Variants in CTCF observed in about 807,000 individuals in gnomAD.
CTCF encodes the protein CCCTC-binding factor.
In CTCF, 7 loss-of-function variants were observed where a neutral mutation model predicts 72.3. The ratio of observed to expected loss-of-function variants is 0.10; its 90% confidence interval spans 0.06 to 0.18. The LOEUF is 0.18. Ranked by LOEUF, CTCF falls within the 10% of genes least tolerant of loss-of-function variation. CTCF has a pLI of 1.00. For missense variants in CTCF, 516 were observed against 949.1 expected, an observed-to-expected ratio of 0.54 and a Z score of 6.00; for synonymous variants, 374 against 315.8, an observed-to-expected ratio of 1.18 and a Z score of -1.95.
intron 4 of CTCF, among the ~76,000 whole-genome samples, chr16:67,612,702 G>A (rs2052077371): frequency 6.6e-6 from 1 of 152,096 alleles, no homozygotes; most frequent in Admixed American, 6.5e-5. Context: ...GGAGGCTGAG[G>A]TGGGCAGATC....
At chr16:67,565,596 C>T (rs1458120170) in intron 1 of CTCF, among the ~76,000 whole-genome samples, 1 of 150,226 alleles carries the variant, frequency 6.7e-6, no homozygotes, top group South Asian at 2.1e-4. Flanking sequence ...CCGCTCGAAC[C>T]TAGAAGGTGG....
chr16:67,582,917 G>A (rs189287677), intron 2 of CTCF, among the ~76,000 whole-genome samples: 1 of 151,100 alleles, frequency 6.6e-6, no homozygotes, highest in East Asian at 1.9e-4. Flanking sequence ...GTATATAGCT[G>A]TAAATACTCT....
chr16:67,608,618 A>G (rs554872768), intron 2 of CTCF, among the ~76,000 whole-genome samples: 2 of 152,360 alleles, frequency 1.3e-5, no homozygotes, highest in East Asian at 3.9e-4. Context: ...GCTACACAAC[A>G]TAGTTCCTGT....
chr16:67,566,968 C>G (rs1422834981), intron 1 of CTCF, among the ~76,000 whole-genome samples: 1 of 152,008 alleles, frequency 6.6e-6, no homozygotes, highest in Non-Finnish European at 1.5e-5. Flanking sequence ...CTCCACCTCC[C>G]TGGCTCAAAT....
intron 10 of CTCF, among the ~76,000 whole-genome samples, chr16:67,630,951 A>C (rs2052354150): frequency 6.6e-6 from 1 of 152,100 alleles, no homozygotes; most frequent in African/African-American, 2.4e-5. Context: ...AAGGTGGTAG[A>C]GAGTTTGGTT....
At chr16:67,619,292 C>T (rs1181426282) in intron 5 of CTCF, among the ~76,000 whole-genome samples, 1 of 152,028 alleles carries the variant, frequency 6.6e-6, no homozygotes, top group African/African-American at 2.4e-5. Flanking sequence ...AGAAGTTAGC[C>T]AGGCCTGGTG....
rs2051520416 is a variant in CTCF, at chr16:67,577,829, A to G, written c.-10+6565A>G. ...CCAGGAGGAGAGTAAGGCAGGAGGA[A>G]GCTCCTGCATCTGCCCAGCTGTTAG... is the stretch of plus-strand genomic sequence containing the variant. On this transcript the variant is annotated intron_variant, in intron 2 of 11. Transcript: ENST00000264010. Among the ~76,000 whole-genome samples, 2 of 152,246 alleles carry G rather than the reference A, an allele frequency of 1.3e-5. 1 individual carries two copies. The highest frequency in any genetic ancestry group is 4.1e-4 in the South Asian group (2 of 4,824).
rs994119922 is a variant in CTCF at position 67,628,316 on chromosome 16, G to C, written c.1519-54G>C. ...GGCCACATGCATGCAGGTGGCAGCT[G>C]GGGCAGTAGCCCCATGAGCAGGCTC... On this transcript the variant is annotated intron_variant, in intron 8 of 11. Transcript: ENST00000264010. 84 of 1,555,624 alleles carry C rather than the reference G, an allele frequency of 5.4e-5. 5 individuals carry two copies. The South Asian group carries it at 7.8e-4, about 14-fold the overall frequency.
At chr16:67,603,974 C>CA (rs921068208) in intron 2 of CTCF, among the ~76,000 whole-genome samples, 4 of 149,814 alleles carry the variant, frequency 2.7e-5, no homozygotes, top group Admixed American at 6.7e-5. Flanking sequence ...ACTAAAAATA[C>CA]AAAAAAATTA....
chr16:67,582,710 A>T (rs1005181458), intron 2 of CTCF, among the ~76,000 whole-genome samples: 1 of 152,076 alleles, frequency 6.6e-6, no homozygotes, highest in Non-Finnish European at 1.5e-5. Context: ...TAAATTAAAT[A>T]AAATATGAAC....
chr16:67,590,560 A>G (rs928943647), intron 2 of CTCF, among the ~76,000 whole-genome samples: 1 of 151,836 alleles, frequency 6.6e-6, no homozygotes, highest in Non-Finnish European at 1.5e-5. Context: ...GATGGTCTCG[A>G]TCTCCTGACC....
intron 2 of CTCF, among the ~76,000 whole-genome samples, chr16:67,598,139 C>CT (rs2142782586): frequency 6.6e-6 from 1 of 152,114 alleles, no homozygotes; most frequent in African/African-American, 2.4e-5. Flanking sequence ...TCACACCTGA[C>CT]TAATTTTTTA....
intron 10 of CTCF, among the ~76,000 whole-genome samples, chr16:67,635,082 C>T (rs1381561512): frequency 3.3e-5 from 5 of 151,764 alleles, no homozygotes; most frequent in Admixed American, 6.6e-5. Flanking sequence ...AGTGCAGTGG[C>T]GCAATCTTGG....
At chr16:67,612,725 A>G (rs1169540125) in intron 4 of CTCF, among the ~76,000 whole-genome samples, 1 of 152,020 alleles carries the variant, frequency 6.6e-6, no homozygotes, top group African/African-American at 2.4e-5. Context: ...TTGAGATTAG[A>G]AGTTGGAGAC....
intron 2 of CTCF, among the ~76,000 whole-genome samples, chr16:67,599,895 A>G (rs1480197189): frequency 6.6e-6 from 1 of 152,180 alleles, no homozygotes; most frequent in Non-Finnish European, 1.5e-5. Flanking sequence ...TGAAACTGGG[A>G]TTGCAGATAT....
At chr16:67,608,188 G>T (rs545177573) in intron 2 of CTCF, among the ~76,000 whole-genome samples, 2 of 152,024 alleles carry the variant, frequency 1.3e-5, no homozygotes, top group South Asian at 4.2e-4. Flanking sequence ...GCCGGGCATG[G>T]TGGTGGGCGC....
chr16:67,602,946 A>T (rs975661278), intron 2 of CTCF, among the ~76,000 whole-genome samples: 2 of 152,090 alleles, frequency 1.3e-5, no homozygotes, highest in Non-Finnish European at 2.9e-5. Context: ...TGGGACCTGA[A>T]GTTCTGTGTT....
chr16:67,618,524 C>T (rs2052162375), intron 5 of CTCF, among the ~76,000 whole-genome samples: 1 of 152,186 alleles, frequency 6.6e-6, no homozygotes, highest in Non-Finnish European at 1.5e-5. Context: ...CTTAATGTTA[C>T]TGTTTCAGCT....
intron 2 of CTCF, among the ~76,000 whole-genome samples, chr16:67,602,979 T>A (rs955535604): frequency 1.3e-5 from 2 of 152,108 alleles, no homozygotes; most frequent in African/African-American, 4.8e-5. Context: ...GTGCTGCTGG[T>A]CCTCAGACCA....
Sources: allele counts gnomAD v4.1 joint callset (sites outside exome capture counted in the v4.1 genomes callset), GRCh38; gene constraint gnomAD v4.1.1; transcripts MANE v1.5; gene names NCBI Gene and HGNC (gene_info 2026-07-23, HGNC 2026-07-21).